The following NBEAL1 variants were observed in gnomAD, a reference collection of about 807,000 sequenced individuals.
The protein encoded by NBEAL1 is neurobeachin-like protein 1.
A neutral mutation model predicts 351.3 loss-of-function variants in NBEAL1; 273 were observed. That is an observed-to-expected ratio of 0.78 (90% CI 0.70 to 0.86). The LOEUF (loss-of-function observed/expected upper bound fraction) is 0.86, where lower values mean the gene tolerates loss of function less well. Among genes scored for constraint, NBEAL1 ranks in the 40% least tolerant of loss-of-function variants. The pLI is 0.00. For synonymous variants in NBEAL1, 1,050 were observed against 1,086.4 expected, an observed-to-expected ratio of 0.97 and a Z score of 0.66; for missense variants, 2,961 against 3,201.3, an observed-to-expected ratio of 0.92 and a Z score of 1.81.
At chr2:203,052,658 A>G (rs79265403) in intron 4 of NBEAL1, among the ~76,000 whole-genome samples, 41 of 152,168 alleles carry the variant, frequency 2.7e-4, no homozygotes, top group African/African-American at 9.4e-4. Context: ...CCTGGGCTCA[A>G]TTTATCTTTC....
chr2:203,157,693 A>G lies in NBEAL1; in HGVS notation c.5588-6A>G. On this transcript the variant is annotated splice_polypyrimidine_tract_variant and splice_region_variant and intron_variant, in intron 35 of 55. Coordinates refer to ENST00000683969, the MANE Select transcript of NBEAL1 (RefSeq NM_001378026.1). ...ATGTTTAATAGATATTTTGTGTTTA[A>G]AACAGGTATCCAACACTCACAGCCT... The G allele has an allele frequency of 3.2e-6, 5 of 1,567,124 alleles. No homozygotes were observed. Among genetic ancestry groups the G allele is most frequent in the Non-Finnish European group, 4.3e-6 (5 of 1,163,430 alleles).
Position 203,193,731 on chromosome 2 carries a change from A to G in NBEAL1, c.6922-64A>G. ...TGTAGCTAGAGCCTAGTGTATATGAAGGAACATAGTGAGAGATTAATAACA... is the reference window on the plus strand; with the variant it reads ...TGTAGCTAGAGCCTAGTGTATATGAGGGAACATAGTGAGAGATTAATAACA... On this transcript the variant is annotated intron_variant, in intron 46 of 55. Transcript: ENST00000683969. 3 of 1,106,822 alleles carry G rather than the reference A, an allele frequency of 2.7e-6. No individual in the cohort carries two copies. The Admixed American group carries it at 5.5e-5, about 20-fold the overall frequency. The allele number at this position is 1,106,822 out of a possible 1,614,324, so 68.6% of individuals were successfully genotyped here.
At chr2:203,085,662 A>G (rs1309634565) in intron 10 of NBEAL1, 1 of 152,162 alleles carries the variant, frequency 6.6e-6, no homozygotes, top group Admixed American at 6.6e-5. Flanking sequence ...ATGTTTGTAT[A>G]ATTTAAATAA....
chr2:203,167,313 A>G lies in NBEAL1; in HGVS notation c.5950A>G (p.Ile1984Val). 6.2e-7 allele frequency: 1 copy of G among 1,612,848 alleles called. No homozygotes were observed. The highest frequency in any genetic ancestry group is 1.1e-5 in the South Asian group (1 of 90,832). ...CAATTTAAGAAGATCAGCCCTTGAGATTTTTCATGTTGACCAATCCAACTA... is the reference window on the plus strand; with the variant it reads ...CAATTTAAGAAGATCAGCCCTTGAGGTTTTTCATGTTGACCAATCCAACTA... ...RYNLRRSALEIFHVDQSNYFL... is the reference protein window; with the variant it reads ...RYNLRRSALEVFHVDQSNYFL... The change falls in exon 38 of 56, where the codon ATT becomes GTT. Residue 1984 changes from isoleucine (I) to valine (V), a missense_variant. Ile to Val is a conservative substitution (Grantham distance 29, BLOSUM62 3). Transcript: ENST00000683969.
At chr2:203,144,449 C>G in intron 31 of NBEAL1, 151 bp from the exon 32 acceptor site, 1 of 692,000 alleles carries the variant, frequency 1.4e-6, no homozygotes, top group African/African-American at 1.8e-5. Flanking sequence ...GCAGCTAACC[C>G]TTTAGCTTGG....
chr2:203,131,677 T>G (rs972215115), intron 25 of NBEAL1, among the ~76,000 whole-genome samples: 1 of 152,194 alleles, frequency 6.6e-6, no homozygotes, highest in African/African-American at 2.4e-5. Context: ...TGTCTGCAAT[T>G]CAAAAAATTG....
intron 47 of NBEAL1, 47 bp downstream of exon 47, chr2:203,193,958 G>A (rs1185205397): frequency 1.8e-6 from 2 of 1,090,542 alleles, no homozygotes; most frequent in Non-Finnish European, 2.7e-6. Flanking sequence ...TCTAAATTCT[G>A]TACATTTTAA....
At chr2:203,041,010 C>A (rs954899667) in intron 2 of NBEAL1, 1 of 231,184 alleles carries the variant, frequency 4.3e-6, no homozygotes, top group East Asian at 1.1e-4. Flanking sequence ...CTTCAAAAAT[C>A]GGAAAGGAAG....
Position 203,062,576 on chromosome 2 carries a change from T to C in NBEAL1, c.515+5123T>C. On this transcript the variant is annotated intron_variant, in intron 6 of 55. Coordinates refer to ENST00000683969, the MANE Select transcript of NBEAL1 (RefSeq NM_001378026.1). This position sits in a 1 kb window ranked among gnomAD's most constrained non-coding sequence, Gnocchi z 4.2. The stretch of plus-strand genomic sequence containing the variant: ...AAAAAGAAGAAAATTTTATATACTA[T>C]TAATATAATATAGGAAGATAATTCT... The C allele has an allele frequency of 5.3e-6, 1 of 190,168 alleles. No individual in the cohort carries two copies. The highest frequency in any genetic ancestry group is 1.1e-5 in the Non-Finnish European group (1 of 90,202). The allele number at this position is 190,168 out of a possible 1,614,324, so 11.8% of individuals were successfully genotyped here. A position where few individuals can be genotyped will look rare whatever the true frequency, so the allele number is the denominator to read the frequency against.
intron 36 of NBEAL1, 107 bp from the exon 37 acceptor site, chr2:203,166,042 C>G: frequency 9.2e-7 from 1 of 1,082,114 alleles, no homozygotes; most frequent in South Asian, 2.0e-5. Flanking sequence ...AAGACCTTGT[C>G]TCAAAAAAAA....
chr2:203,077,897 C>T, intron 8 of NBEAL1, 60 bp downstream of exon 8: 1 of 903,156 alleles, frequency 1.1e-6, no homozygotes, highest in Non-Finnish European at 1.6e-6. Flanking sequence ...AAAAGCTTTC[C>T]ATAGATTTAG....
chr2:203,042,343 G>C (rs1311765884), intron 3 of NBEAL1, among the ~76,000 whole-genome samples: 1 of 152,188 alleles, frequency 6.6e-6, no homozygotes, highest in Non-Finnish European at 1.5e-5. Flanking sequence ...ATACACATAG[G>C]ACAAGGTGTG....
At chr2:203,190,210 C>T (rs2065031195) in intron 45 of NBEAL1, 82 bp from the exon 46 acceptor site, 3 of 642,312 alleles carry the variant, frequency 4.7e-6, no homozygotes, top group Non-Finnish European at 8.0e-6. Context: ...ACACACACAC[C>T]AATGAGCCTG....
In NBEAL1 at chr2:203,113,303, G is replaced by T. The variant is rs2062614532; in HGVS notation, c.2491G>T (p.Ala831Ser). The T allele has an allele frequency of 7.1e-7, 1 of 1,403,112 alleles. No homozygotes were observed. Among genetic ancestry groups the T allele is most frequent in the African/African-American group, 1.5e-5 (1 of 68,798 alleles). 86.9% of individuals were successfully genotyped at this position (1,403,112 alleles called of 1,614,324 possible). ...ACCACTACAACCTCCTCAGGTGAAG[G>T]CATTATATTTAGCAGGTAAGCATGT... The part of the protein sequence containing the change: ...YEPLQPPQVK[A>S]LYLAGPNCLS... The change falls in exon 17 of 56, where the codon GCA becomes TCA. Residue 831 changes from alanine to serine, a missense_variant. Transcript: ENST00000683969.
chr2:203,094,447 A>G (rs983042526), intron 10 of NBEAL1, among the ~76,000 whole-genome samples: 1 of 152,230 alleles, frequency 6.6e-6, no homozygotes, highest in African/African-American at 2.4e-5. Flanking sequence ...ATATAGTAGT[A>G]TAGAATAAAG....
At chr2:203,199,513 G>T in intron 49 of NBEAL1, 66 bp downstream of exon 49, 3 of 720,532 alleles carry the variant, frequency 4.2e-6, no homozygotes, top group South Asian at 3.7e-5. Context: ...AAAAAAACTA[G>T]ATTAATTGAT....
chr2:203,074,459 C>T (rs2106143476), intron 7 of NBEAL1, among the ~76,000 whole-genome samples: 1 of 151,544 alleles, frequency 6.6e-6, no homozygotes, highest in East Asian at 1.9e-4. Context: ...TCTCGAGTAG[C>T]TGGGATTACA....
In NBEAL1 at chr2:203,110,068, G is replaced by A. The variant is rs144384264; in HGVS notation, c.1950-82G>A. The A allele has an allele frequency of 6.2e-4, 812 of 1,314,912 alleles. 6 individuals carry two copies. In the African/African-American group the frequency reaches 0.011, roughly 18 times the overall value. The allele number at this position is 1,314,912 out of a possible 1,614,324, so 81.5% of individuals were successfully genotyped here. A position where few individuals can be genotyped will look rare whatever the true frequency, so the allele number is the denominator to read the frequency against. ...AATTGTGGGTAAAGATGTTCATGAT[G>A]GCTTTATGGTTTTATGTACTTTAAT... On this transcript the variant is annotated intron_variant, in intron 14 of 55. Coordinates refer to ENST00000683969, the MANE Select transcript of NBEAL1 (RefSeq NM_001378026.1).
chr2:203,209,710 AATATG>A, intron 53 of NBEAL1, among the ~76,000 whole-genome samples: 2 of 33,804 alleles, frequency 5.9e-5, no homozygotes, highest in Admixed American at 3.2e-4. Context: ...TTATTTAATT[AATATG>A]TGTGTGTGTG....
Sources: allele counts gnomAD v4.1 joint callset (sites outside exome capture counted in the v4.1 genomes callset), GRCh38; gene constraint gnomAD v4.1.1; non-coding constraint Gnocchi (gnomAD v3.1); transcripts MANE v1.5; gene names NCBI Gene and HGNC (gene_info 2026-07-23, HGNC 2026-07-21).